SCAND3: variants seen among roughly 807,000 people sequenced by gnomAD.
The protein encoded by SCAND3 is SCAN domain containing 3, also known as SCAN domain-containing protein 3.
At chr6:28,594,046 T>G in the SCAND3 span, among the ~76,000 whole-genome samples, 1 of 152,158 alleles carries the variant, frequency 6.6e-6, no homozygotes, top group African/African-American at 2.4e-5. Flanking sequence ...TGACAAAATC[T>G]TTTTTATAAA....
the SCAND3 span, among the ~76,000 whole-genome samples, chr6:28,583,419 C>T: frequency 0.022 from 3,386 of 151,942 alleles, 67 homozygotes; most frequent in African/African-American, 0.058. Flanking sequence ...AACAACAATT[C>T]AAAGGTGGAA....
chr6:28,589,381 T>C, the SCAND3 span: 1 of 152,090 alleles, frequency 6.6e-6, no homozygotes, highest in Non-Finnish European at 1.5e-5. Flanking sequence ...TTGTGGTTGG[T>C]CCCATGGTGT....
chr6:28,607,309 T>G, the SCAND3 span, among the ~76,000 whole-genome samples: 3 of 152,054 alleles, frequency 2.0e-5, no homozygotes, highest in Non-Finnish European at 2.9e-5. Flanking sequence ...ATAAACCTAG[T>G]CTCATTCATT....
the SCAND3 span, among the ~76,000 whole-genome samples, chr6:28,579,682 C>T: frequency 2.0e-5 from 3 of 152,088 alleles, no homozygotes; most frequent in Admixed American, 6.6e-5. The surrounding 1 kb of genome is among the most constrained non-coding windows in gnomAD (Gnocchi z 4.5). Context: ...AATGAAAGCA[C>T]GTTAAAGAAA....
chr6:28,580,367 T>A, the SCAND3 span, among the ~76,000 whole-genome samples: 2 of 151,518 alleles, frequency 1.3e-5, no homozygotes, highest in South Asian at 2.1e-4. Context: ...GGCAGGAGGA[T>A]CATTTGAACT....
the SCAND3 span, among the ~76,000 whole-genome samples, chr6:28,608,445 C>G: frequency 6.6e-6 from 1 of 152,098 alleles, no homozygotes; most frequent in Non-Finnish European, 1.5e-5. Context: ...TGGTCCCCAA[C>G]ACATGTTGAA....
At chr6:28,610,924 C>G in the SCAND3 span, among the ~76,000 whole-genome samples, 3 of 152,080 alleles carry the variant, frequency 2.0e-5, no homozygotes, top group African/African-American at 7.2e-5. Context: ...ATACTGCATT[C>G]CCTTAGTGCT....
the SCAND3 span, among the ~76,000 whole-genome samples, chr6:28,583,982 C>A: frequency 1.3e-5 from 2 of 152,166 alleles, no homozygotes; most frequent in Admixed American, 6.5e-5. Context: ...CTTCTGAAGG[C>A]TCAAAGGCTT....
chr6:28,586,754 G>A, the SCAND3 span: 1 of 1,571,822 alleles, frequency 6.4e-7, no homozygotes, highest in South Asian at 1.2e-5. The surrounding 1 kb of genome is among the most constrained non-coding windows in gnomAD (Gnocchi z 4.4). Flanking sequence ...GTTCTCTCCA[G>A]TTGGGGTCTA....
the SCAND3 span, among the ~76,000 whole-genome samples, chr6:28,593,299 A>T: frequency 1.1e-3 from 163 of 152,322 alleles, 2 homozygotes; most frequent in African/African-American, 2.4e-3. Context: ...AATACATATA[A>T]AAAAAAGATG....
chr6:28,579,192 A>C, the SCAND3 span: 1 of 1,280,546 alleles, frequency 7.8e-7, no homozygotes. The surrounding 1 kb of genome is among the most constrained non-coding windows in gnomAD (Gnocchi z 4.5). Context: ...CTGAAATGGA[A>C]TGAGGTTTGA....
chr6:28,581,744 C>T, the SCAND3 span, among the ~76,000 whole-genome samples: 1 of 152,210 alleles, frequency 6.6e-6, no homozygotes, highest in Non-Finnish European at 1.5e-5. Flanking sequence ...GGAACCTCCT[C>T]CCCGAAATAT....
chr6:28,613,066 A>T, the SCAND3 span, among the ~76,000 whole-genome samples: 1 of 149,968 alleles, frequency 6.7e-6, no homozygotes, highest in Non-Finnish European at 1.5e-5. Flanking sequence ...ATAAAATTTA[A>T]TATATAGAGA....
the SCAND3 span, among the ~76,000 whole-genome samples, chr6:28,581,951 A>T: frequency 6.6e-6 from 1 of 152,244 alleles, no homozygotes; most frequent in South Asian, 2.1e-4. Flanking sequence ...GAAATCACAC[A>T]AAAACAAGAA....
At chr6:28,593,415 C>T in the SCAND3 span, 7 of 151,990 alleles carry the variant, frequency 4.6e-5, no homozygotes, top group South Asian at 1.2e-3. Context: ...TGGCTCACGC[C>T]TCTAATCCCA....
chr6:28,575,905 G>A, the SCAND3 span: 1 of 1,613,956 alleles, frequency 6.2e-7, no homozygotes. This position sits in a 1 kb window ranked among gnomAD's most constrained non-coding sequence, Gnocchi z 4.2. Flanking sequence ...GTAGTCAACT[G>A]ATTCCTTTTT....
chr6:28,580,984 A>G, the SCAND3 span, among the ~76,000 whole-genome samples: 1 of 152,154 alleles, frequency 6.6e-6, no homozygotes, highest in East Asian at 1.9e-4. Flanking sequence ...AGTTACTTCA[A>G]ACTGGTCATG....
chr6:28,595,861 C>T, the SCAND3 span, among the ~76,000 whole-genome samples: 1 of 152,164 alleles, frequency 6.6e-6, no homozygotes, highest in Non-Finnish European at 1.5e-5. Context: ...ACATCCCATC[C>T]CCCACTGCCC....
At chr6:28,614,741 A>G in the SCAND3 span, among the ~76,000 whole-genome samples, 2 of 152,218 alleles carry the variant, frequency 1.3e-5, no homozygotes, top group African/African-American at 4.8e-5. Context: ...CTGGGATTAC[A>G]GGTGTGAGCC....
Sources: gnomAD v4.1 joint callset for allele counts (sites outside exome capture counted in the v4.1 genomes callset) on GRCh38, gnomAD v4.1.1 for gene constraint, Gnocchi (gnomAD v3.1) non-coding constraint, MANE v1.5 for transcripts, NCBI Gene and HGNC (gene_info 2026-07-23, HGNC 2026-07-21) for gene names.